Variants in PLEKHA6 observed in about 807,000 individuals in gnomAD.
PLEKHA6 encodes pleckstrin homology domain containing A6.
PLEKHA6 carries 60 observed loss-of-function variants against 116.7 expected under a neutral mutation model. The ratio of observed to expected loss-of-function variants is 0.51; its 90% confidence interval spans 0.42 to 0.64. The LOEUF (loss-of-function observed/expected upper bound fraction) is 0.64, where lower values mean the gene tolerates loss of function less well. Among genes scored for constraint, PLEKHA6 ranks in the 30% least tolerant of loss-of-function variants. PLEKHA6 has a pLI of 0.00. For missense variants in PLEKHA6, 1,338 were observed against 1,422.7 expected, an observed-to-expected ratio of 0.94 and a Z score of 0.96; for synonymous variants, 489 against 556.1, an observed-to-expected ratio of 0.88 and a Z score of 1.70.
chr1:204,287,981 G>C (rs1669368541), intron 1 of PLEKHA6, among the ~76,000 whole-genome samples: 1 of 152,176 alleles, frequency 6.6e-6, no homozygotes, highest in Non-Finnish European at 1.5e-5. Flanking sequence ...GCCTCAAGCT[G>C]AGAATTTGTA....
At chr1:204,299,675 T>C (rs1332197197) in intron 1 of PLEKHA6, 1 of 983,716 alleles carries the variant, frequency 1.0e-6, no homozygotes, top group East Asian at 1.1e-4. Context: ...GGCCTCACAG[T>C]TCTCTCAGGC....
At chr1:204,292,339 T>C (rs1399681302) in intron 1 of PLEKHA6, among the ~76,000 whole-genome samples, 1 of 152,214 alleles carries the variant, frequency 6.6e-6, no homozygotes, top group Non-Finnish European at 1.5e-5. Flanking sequence ...GCTGGAAGTG[T>C]TGGCTGAGAT....
chr1:204,273,336 A>T (rs537132814), intron 3 of PLEKHA6, among the ~76,000 whole-genome samples: 74 of 152,314 alleles, frequency 4.9e-4, no homozygotes, highest in African/African-American at 1.7e-3. Context: ...ATGCTGCTCA[A>T]CATCCTACAA....
chr1:204,256,792 A>C, intron 9 of PLEKHA6: 7 of 603,384 alleles, frequency 1.2e-5, no homozygotes, highest in African/African-American at 9.3e-5. Flanking sequence ...GGAGGGGAGA[A>C]AGGACGTACC....
chr1:204,252,709 GC>G (rs1348712791), intron 9 of PLEKHA6, among the ~76,000 whole-genome samples: 1 of 152,170 alleles, frequency 6.6e-6, no homozygotes, highest in Non-Finnish European at 1.5e-5. Context: ...TTAGGCAGCG[GC>G]CCACATACAG....
intron 3 of PLEKHA6, among the ~76,000 whole-genome samples, chr1:204,270,977 C>A (rs993178664): frequency 1.6e-4 from 24 of 152,230 alleles, no homozygotes; most frequent in African/African-American, 5.5e-4. Flanking sequence ...CAGACTCCCC[C>A]ACTCCACGAA....
intron 1 of PLEKHA6, among the ~76,000 whole-genome samples, chr1:204,345,319 T>C (rs1672998167): frequency 6.6e-6 from 1 of 152,146 alleles, no homozygotes; most frequent in Admixed American, 6.5e-5. Context: ...ACCCCCTCCC[T>C]GCAGACTTTC....
At chr1:204,302,664 G>A (rs1297783487) in intron 1 of PLEKHA6, among the ~76,000 whole-genome samples, 1 of 152,126 alleles carries the variant, frequency 6.6e-6, no homozygotes, top group Admixed American at 6.5e-5. Context: ...ATTACCTGAG[G>A]TCAGGAATTT....
intron 17 of PLEKHA6, among the ~76,000 whole-genome samples, chr1:204,233,376 T>C (rs1661492379): frequency 6.8e-6 from 1 of 146,440 alleles, no homozygotes; most frequent in African/African-American, 2.5e-5. Flanking sequence ...AGTCTCACTC[T>C]GTCACCCAGG....
At chr1:204,324,524 A>G (rs1672175561) in intron 1 of PLEKHA6, among the ~76,000 whole-genome samples, 1 of 152,190 alleles carries the variant, frequency 6.6e-6, no homozygotes, top group Admixed American at 6.5e-5. Context: ...ACCATCAATA[A>G]GACAAGGAAA....
intron 1 of PLEKHA6, among the ~76,000 whole-genome samples, chr1:204,294,664 G>T (rs1250113994): frequency 6.6e-6 from 1 of 152,150 alleles, no homozygotes; most frequent in Non-Finnish European, 1.5e-5. Flanking sequence ...GAGTCAGACT[G>T]CCCCAGTTCC....
intron 1 of PLEKHA6, among the ~76,000 whole-genome samples, chr1:204,308,692 T>TCTTTTC (rs199992991): frequency 3.3e-5 from 4 of 120,478 alleles, no homozygotes; most frequent in African/African-American, 1.3e-4. Flanking sequence ...TTTTTCTTTT[T>TCTTTTC]TTTTTTTTTT....
rs1659508443 is a variant in PLEKHA6, at chr1:204,220,237, G to A, written c.*2551C>T. ...CCATCTGGGGTGCATGCCTGCATGG[G>A]TCTCCTTTGTGCATACAACTGCAAA... On this transcript the variant is annotated 3_prime_UTR_variant, in exon 23 of 23. Coordinates refer to ENST00000272203, the MANE Select transcript of PLEKHA6 (RefSeq NM_014935.5). The A allele has an allele frequency of 6.6e-6, 1 of 152,278 alleles. No homozygotes were observed. The highest frequency in any genetic ancestry group is 2.4e-5 in the African/African-American group (1 of 41,464). The allele number at this position is 152,278 out of a possible 1,614,324, so 9.4% of individuals were successfully genotyped here. A position where few individuals can be genotyped will look rare whatever the true frequency, so the allele number is the denominator to read the frequency against.
chr1:204,283,224 G>T (rs1668823911), intron 1 of PLEKHA6, among the ~76,000 whole-genome samples: 1 of 152,024 alleles, frequency 6.6e-6, no homozygotes, highest in East Asian at 1.9e-4. Context: ...CAAAGTGGGT[G>T]TTTGGAGAGT....
chr1:204,299,899 C>A (rs1420753207), intron 1 of PLEKHA6, among the ~76,000 whole-genome samples: 4 of 152,174 alleles, frequency 2.6e-5, no homozygotes, highest in South Asian at 2.1e-4. Context: ...CCTGCCAGAG[C>A]AGCCGGCCCT....
At chr1:204,375,077 C>T (rs1673843413) in intron 1 of PLEKHA6, among the ~76,000 whole-genome samples, 1 of 152,078 alleles carries the variant, frequency 6.6e-6, no homozygotes, top group South Asian at 2.1e-4. Flanking sequence ...TGCTGCCCAC[C>T]TCTGCAACCT....
At chr1:204,269,393 T>C (rs1322782266) in intron 3 of PLEKHA6, among the ~76,000 whole-genome samples, 3 of 90,666 alleles carry the variant, frequency 3.3e-5, no homozygotes, top group Non-Finnish European at 7.4e-5. Flanking sequence ...TCCAAATTAA[T>C]CAAATTGTCT....
chr1:204,281,107 A>ACCTCCTGG, intron 1 of PLEKHA6: 1 of 439,512 alleles, frequency 2.3e-6, no homozygotes, highest in Non-Finnish European at 3.0e-6. Context: ...GGATCACTTG[A>ACCTCCTGG]GCCCAGGAGG....
At chr1:204,227,813 T>C (rs1287298572) in intron 21 of PLEKHA6, among the ~76,000 whole-genome samples, 1 of 152,234 alleles carries the variant, frequency 6.6e-6, no homozygotes, top group Non-Finnish European at 1.5e-5. Context: ...CCCCATGCTC[T>C]GCATGGCCTC....
Sources: allele counts gnomAD v4.1 joint callset (sites outside exome capture counted in the v4.1 genomes callset), GRCh38; gene constraint gnomAD v4.1.1; transcripts MANE v1.5; gene names NCBI Gene and HGNC (gene_info 2026-07-23, HGNC 2026-07-21).